MAP3K7CL: variants seen among roughly 807,000 people sequenced by gnomAD.
MAP3K7CL encodes the protein MAP3K7 C-terminal like.
Under a neutral mutation model 18.6 loss-of-function variants are expected in MAP3K7CL, and 16 were observed. That is an observed-to-expected ratio of 0.86 (90% CI 0.58 to 1.31). MAP3K7CL has a LOEUF of 1.31. Among genes scored for constraint, MAP3K7CL ranks in the 50% most tolerant of loss-of-function variants. MAP3K7CL has a pLI of 0.00. For synonymous variants in MAP3K7CL, 65 were observed against 66.8 expected, an observed-to-expected ratio of 0.97 and a Z score of 0.13; for missense variants, 163 against 174.4, an observed-to-expected ratio of 0.93 and a Z score of 0.37.
At chr21:29,105,113 C>G in intron 4 of MAP3K7CL, among the ~76,000 whole-genome samples, 1 of 152,224 alleles carries the variant, frequency 6.6e-6, no homozygotes, top group Admixed American at 6.5e-5. Flanking sequence ...AAGAATCCAG[C>G]TCTGAGTTAG....
chr21:29,092,302 A>ACCTCCAGTTTATAGG, intron 3 of MAP3K7CL: 1 of 946,264 alleles, frequency 1.1e-6, no homozygotes, highest in Non-Finnish European at 1.6e-6. Context: ...TCCAGATTTA[A>ACCTCCAGTTTATAGG]ACCATTAACA....
In MAP3K7CL at chr21:29,159,959, G is replaced by A; in HGVS notation, c.151G>A (p.Asp51Asn). The A allele has an allele frequency of 6.2e-7, 1 of 1,613,802 alleles. No individual in the cohort carries two copies. ...QQLQPLPPCH[D>N]SEESMEVFKQ... ...TGTGAAGCCCCTGCCGCCTTGTCAT[G>A]ACTCCGAGGAATCCATGGAGGTGTT... Residue 51 changes from aspartate (D) to asparagine (N), a missense_variant, in exon 4 of 5, where the codon GAC (aspartate) becomes AAC (asparagine). Asp to Asn is a conservative substitution (Grantham distance 23, BLOSUM62 1). Transcript: ENST00000399928.
chr21:29,155,654 A>C (rs192768886), intron 3 of MAP3K7CL, among the ~76,000 whole-genome samples: 1 of 152,260 alleles, frequency 6.6e-6, no homozygotes, highest in African/African-American at 2.4e-5. Flanking sequence ...CGGTCCTGAT[A>C]ATTGGGGCGG....
intron 4 of MAP3K7CL, among the ~76,000 whole-genome samples, chr21:29,119,152 A>T (rs1019623968): frequency 1.3e-5 from 2 of 152,168 alleles, no homozygotes; most frequent in African/African-American, 4.8e-5. Flanking sequence ...TCCTTTCCAC[A>T]GTGTAATTTT....
chr21:29,094,279 T>C (rs538864606), intron 4 of MAP3K7CL, among the ~76,000 whole-genome samples: 2 of 152,372 alleles, frequency 1.3e-5, no homozygotes, highest in East Asian at 1.9e-4. Context: ...CAAATGTCCA[T>C]AGTGCTGAAT....
At chr21:29,112,764 G>A (rs530024573) in intron 4 of MAP3K7CL, among the ~76,000 whole-genome samples, 3 of 151,836 alleles carry the variant, frequency 2.0e-5, no homozygotes, top group Non-Finnish European at 2.9e-5. Flanking sequence ...CCCTCCATCA[G>A]AATACATTTC....
intron 3 of MAP3K7CL, among the ~76,000 whole-genome samples, chr21:29,158,046 T>C (rs2087450231): frequency 6.6e-6 from 1 of 152,022 alleles, no homozygotes; most frequent in South Asian, 2.1e-4. Flanking sequence ...CTGTGTGGTG[T>C]TTGTAAGGAC....
chr21:29,118,974 G>T (rs963029951), intron 4 of MAP3K7CL, among the ~76,000 whole-genome samples: 1 of 152,198 alleles, frequency 6.6e-6, no homozygotes. Flanking sequence ...TCTAGATGAT[G>T]GTGCTGGTCT....
intron 4 of MAP3K7CL, among the ~76,000 whole-genome samples, chr21:29,163,200 C>T (rs1015907544): frequency 2.0e-5 from 3 of 152,176 alleles, no homozygotes; most frequent in African/African-American, 7.2e-5. Flanking sequence ...ATACAACCTT[C>T]CAGACCACAT....
At chr21:29,139,676 C>A (rs2086961632) in intron 2 of MAP3K7CL, among the ~76,000 whole-genome samples, 1 of 151,426 alleles carries the variant, frequency 6.6e-6, no homozygotes, top group African/African-American at 2.4e-5. Flanking sequence ...CCTTCACCTC[C>A]AGGGTTCAAG....
At chr21:29,145,226 A>C (rs1157082604) in intron 2 of MAP3K7CL, among the ~76,000 whole-genome samples, 4 of 152,070 alleles carry the variant, frequency 2.6e-5, no homozygotes, top group African/African-American at 9.7e-5. Context: ...TTTTAATAAA[A>C]ATGTACTTGT....
rs1490653057 is a variant in MAP3K7CL at position 29,175,415 on chromosome 21, C to T, written c.*523C>T. On this transcript the variant is annotated 3_prime_UTR_variant, in exon 5 of 5. Coordinates refer to ENST00000399928, the MANE Select transcript of MAP3K7CL (RefSeq NM_001286620.2). Reference sequence around the variant, plus strand: ...AAACTTTTATACTCTGATTTTTATCCTTCAATGATTGATTATACTAAGAAT... The same window carrying T: ...AAACTTTTATACTCTGATTTTTATCTTTCAATGATTGATTATACTAAGAAT... The T allele has an allele frequency of 6.6e-6, 1 of 152,132 alleles. No homozygotes were observed. The highest frequency in any genetic ancestry group is 2.4e-5 in the African/African-American group (1 of 41,410). 9.4% of individuals were successfully genotyped at this position (152,132 alleles called of 1,614,324 possible). A position where few individuals can be genotyped will look rare whatever the true frequency, so the allele number is the denominator to read the frequency against.
At position 29,169,234 on chromosome 21, in the gene MAP3K7CL, T is replaced by A. The variant is rs1316193540; in HGVS notation, c.249-5478T>A. 2.6e-5 allele frequency among the ~76,000 whole-genome samples: 4 copies of A among 152,236 alleles called. No homozygotes were observed. The South Asian group carries it at 8.3e-4, about 32-fold the overall frequency. ...AATCCTGCTTTGGAGCAAGTCTGAC[T>A]TCCTCCTGCACGGGTGCAGTGTTGC... is the stretch of plus-strand genomic sequence containing the variant. On this transcript the variant is annotated intron_variant, in intron 4 of 4. Transcript: ENST00000399928.
chr21:29,151,705 CT>C (rs1041877571), intron 3 of MAP3K7CL, among the ~76,000 whole-genome samples: 1 of 152,136 alleles, frequency 6.6e-6, no homozygotes, highest in Non-Finnish European at 1.5e-5. Context: ...ATTAATTCTA[CT>C]TTTTTTGTGT....
At chr21:29,151,602 C>T (rs571931302) in intron 3 of MAP3K7CL, among the ~76,000 whole-genome samples, 34 of 152,218 alleles carry the variant, frequency 2.2e-4, no homozygotes, top group African/African-American at 3.6e-4. Flanking sequence ...TTTATTATCA[C>T]GGAAATCAGG....
chr21:29,131,214 A>G (rs973456662), intron 1 of MAP3K7CL: 1 of 152,250 alleles, frequency 6.6e-6, no homozygotes, highest in Non-Finnish European at 1.5e-5. Context: ...GCTGGAAACC[A>G]TACCAGAGGA....
intron 2 of MAP3K7CL, 71 bp downstream of exon 2, chr21:29,133,485 G>T (rs535127742): frequency 1.7e-6 from 2 of 1,178,662 alleles, no homozygotes; most frequent in Middle Eastern, 2.0e-4. Context: ...CTAATGCCAC[G>T]CCTCTGTGGA....
intron 4 of MAP3K7CL, among the ~76,000 whole-genome samples, chr21:29,160,902 T>G (rs1162419210): frequency 6.6e-6 from 1 of 152,216 alleles, no homozygotes; most frequent in Non-Finnish European, 1.5e-5. Context: ...ATTGTTGATG[T>G]GTGAAACAGA....
chr21:29,080,095 G>C (rs2085810970), intron 1 of MAP3K7CL, among the ~76,000 whole-genome samples: 1 of 152,198 alleles, frequency 6.6e-6, no homozygotes, highest in African/African-American at 2.4e-5. Context: ...ACTTGAGAGA[G>C]AAGGTTCTCT....
Sources: gnomAD v4.1 joint callset for allele counts (sites outside exome capture counted in the v4.1 genomes callset) on GRCh38, gnomAD v4.1.1 for gene constraint, MANE v1.5 for transcripts, NCBI Gene and HGNC (gene_info 2026-07-23, HGNC 2026-07-21) for gene names.